The following TAFA1 variants were observed in gnomAD, a reference collection of about 807,000 sequenced individuals.
TAFA1 encodes the protein TAFA chemokine like family member 1.
Under a neutral mutation model 18.5 loss-of-function variants are expected in TAFA1, and 4 were observed. That is an observed-to-expected ratio of 0.22 (90% CI 0.11 to 0.49). The LOEUF (loss-of-function observed/expected upper bound fraction) is 0.49, where lower values mean the gene tolerates loss of function less well. Ranked by LOEUF, TAFA1 falls within the 20% of genes least tolerant of loss-of-function variation. The pLI is 0.98. For synonymous variants in TAFA1, 56 were observed against 55.2 expected (o/e 1.01, Z -0.06); for missense variants, 147 against 169.0 (o/e 0.87, Z 0.72).
intron 2 of TAFA1, among the ~76,000 whole-genome samples, chr3:68,367,609 C>T (rs1411083930): frequency 6.6e-6 from 1 of 152,162 alleles, no homozygotes; most frequent in Non-Finnish European, 1.5e-5. Flanking sequence ...TGACGAAACT[C>T]ATGTTGTGAT....
intron 2 of TAFA1, among the ~76,000 whole-genome samples, chr3:68,147,017 A>ATG (rs202212238): frequency 5.2e-4 from 76 of 146,822 alleles, no homozygotes; most frequent in East Asian, 1.8e-3. Flanking sequence ...GTGTATATAT[A>ATG]TATGTGTGTG....
At chr3:68,098,270 T>C (rs1559519283) in intron 2 of TAFA1, among the ~76,000 whole-genome samples, 1 of 152,040 alleles carries the variant, frequency 6.6e-6, no homozygotes, top group Non-Finnish European at 1.5e-5. Context: ...TTTTTTTAAA[T>C]GTTTCTGTTA....
At chr3:68,238,922 C>T (rs1386128619) in intron 2 of TAFA1, among the ~76,000 whole-genome samples, 1 of 152,094 alleles carries the variant, frequency 6.6e-6, no homozygotes, top group African/African-American at 2.4e-5. Flanking sequence ...AACTAATGAT[C>T]TATGGAATTC....
chr3:68,056,480 G>T (rs1173195786), intron 2 of TAFA1, among the ~76,000 whole-genome samples: 1 of 152,160 alleles, frequency 6.6e-6, no homozygotes, highest in Non-Finnish European at 1.5e-5. Flanking sequence ...AATTACTCCA[G>T]AATTAGATCC....
chr3:68,067,010 C>G (rs1245388454), intron 2 of TAFA1, among the ~76,000 whole-genome samples: 1 of 152,084 alleles, frequency 6.6e-6, no homozygotes, highest in Non-Finnish European at 1.5e-5. Flanking sequence ...GCAAGACGGC[C>G]AGCTCCATGT....
intron 2 of TAFA1, among the ~76,000 whole-genome samples, chr3:68,320,553 G>T (rs2068682838): frequency 6.6e-6 from 1 of 152,112 alleles, no homozygotes; most frequent in African/African-American, 2.4e-5. Flanking sequence ...AGAAAGGCCT[G>T]TCATGATCCC....
rs147457148 is a variant in TAFA1, at chr3:68,152,908, A to C, written c.118+146164A>C. On this transcript the variant is annotated intron_variant, in intron 2 of 4. Coordinates refer to ENST00000478136, the MANE Select transcript of TAFA1 (RefSeq NM_213609.4). The stretch of plus-strand genomic sequence containing the variant: ...GGGTGGCATGCCCTGGGCAAACTTG[A>C]ATCTTTTCCAAAGTCCTGAAACTAG... 3.1e-4 allele frequency among the ~76,000 whole-genome samples: 47 copies of C among 152,154 alleles called. 1 individual carries two copies. In the East Asian group the frequency reaches 9.1e-3, roughly 29 times the overall value.
intron 3 of TAFA1, among the ~76,000 whole-genome samples, chr3:68,423,812 G>C (rs2071005179): frequency 6.6e-6 from 1 of 151,862 alleles, no homozygotes; most frequent in African/African-American, 2.4e-5. Context: ...CTAGTTGTTA[G>C]TAGGGGAGGT....
intron 2 of TAFA1, among the ~76,000 whole-genome samples, chr3:68,224,896 C>G (rs1360826643): frequency 2.2e-5 from 1 of 46,338 alleles, no homozygotes; most frequent in South Asian, 1.0e-3. Context: ...GCTTGTGGCA[C>G]TTTTTTTTTT....
Position 68,118,656 on chromosome 3 carries a change from G to A in TAFA1, c.118+111912G>A, listed in dbSNP as rs887242109. On this transcript the variant is annotated intron_variant, in intron 2 of 4. Transcript: ENST00000478136. ...CTTTTTTGTGACTGACTTATTTCAC[G>A]TAGCATAATGTACTCAAGATTCATC... is the stretch of plus-strand genomic sequence containing the variant. 1.1e-4 allele frequency among the ~76,000 whole-genome samples: 16 copies of A among 152,210 alleles called. No homozygotes were observed. In the South Asian group the frequency reaches 2.5e-3, roughly 24 times the overall value.
chr3:68,370,470 G>GTA (rs2069675173), intron 2 of TAFA1, among the ~76,000 whole-genome samples: 9 of 31,154 alleles, frequency 2.9e-4, no homozygotes, highest in East Asian at 9.5e-4. Context: ...GTGTGTGTGT[G>GTA]TGTATATATA....
chr3:68,117,616 T>C (rs2065339397), intron 2 of TAFA1, among the ~76,000 whole-genome samples: 1 of 152,222 alleles, frequency 6.6e-6, no homozygotes, highest in African/African-American at 2.4e-5. Context: ...TCACAGTCTC[T>C]TCTTTAGTAA....
chr3:68,382,883 G>T (rs1304055663), intron 2 of TAFA1, among the ~76,000 whole-genome samples: 1 of 152,044 alleles, frequency 6.6e-6, no homozygotes, highest in East Asian at 1.9e-4. Context: ...TGATGTTGTT[G>T]AGTAATGTTT....
chr3:68,005,322 G>A (rs1034038003), intron 1 of TAFA1, among the ~76,000 whole-genome samples: 3 of 152,168 alleles, frequency 2.0e-5, no homozygotes, highest in African/African-American at 7.2e-5. Context: ...TGCTCCATCT[G>A]AATCACAGAC....
At chr3:68,419,103 C>T (rs375647943) in intron 3 of TAFA1, among the ~76,000 whole-genome samples, 2 of 152,174 alleles carry the variant, frequency 1.3e-5, no homozygotes, top group African/African-American at 2.4e-5. Context: ...GTCCTCACAA[C>T]GTGGTAGCTG....
At chr3:68,319,950 G>C (rs376632834) in intron 2 of TAFA1, among the ~76,000 whole-genome samples, 1 of 152,104 alleles carries the variant, frequency 6.6e-6, no homozygotes, top group Non-Finnish European at 1.5e-5. Context: ...TAAAGCAAGT[G>C]ATGAGAATAC....
At chr3:68,031,335 C>T (rs1260334259) in intron 2 of TAFA1, among the ~76,000 whole-genome samples, 1 of 152,136 alleles carries the variant, frequency 6.6e-6, no homozygotes, top group Non-Finnish European at 1.5e-5. Context: ...CATCTGGGTT[C>T]TTATTTCATT....
intron 3 of TAFA1, among the ~76,000 whole-genome samples, chr3:68,456,827 T>A (rs1437228200): frequency 6.6e-6 from 1 of 152,216 alleles, no homozygotes; most frequent in Non-Finnish European, 1.5e-5. Flanking sequence ...ATTCATTTTA[T>A]CTTGAAATGA....
intron 2 of TAFA1, among the ~76,000 whole-genome samples, chr3:68,093,990 C>T (rs1226219582): frequency 6.6e-6 from 1 of 152,024 alleles, no homozygotes; most frequent in Non-Finnish European, 1.5e-5. Context: ...CAATGCCTGA[C>T]TGTCAAAACT....
Sources: gnomAD v4.1 joint callset for allele counts (sites outside exome capture counted in the v4.1 genomes callset) on GRCh38, gnomAD v4.1.1 for gene constraint, MANE v1.5 for transcripts, NCBI Gene and HGNC (gene_info 2026-07-23, HGNC 2026-07-21) for gene names.